ZNF248: variants seen among roughly 807,000 people sequenced by gnomAD.
ZNF248 encodes KRAB protein domain.
ZNF248 carries 20 observed loss-of-function variants against 44.3 expected under a neutral mutation model. That is an observed-to-expected ratio of 0.45 (90% CI 0.32 to 0.66). The LOEUF (loss-of-function observed/expected upper bound fraction) is 0.66, where lower values mean the gene tolerates loss of function less well. ZNF248 is among the 30% of genes least tolerant of loss of function. The pLI, the probability that ZNF248 is intolerant of heterozygous loss-of-function variation, is 0.04. For missense variants in ZNF248, 654 were observed against 677.0 expected (o/e 0.97, Z 0.38); for synonymous variants, 224 against 229.0 (o/e 0.98, Z 0.20).
chr10:37,815,003 G>A (rs995155284), intron 6 of ZNF248, among the ~76,000 whole-genome samples: 7 of 151,970 alleles, frequency 4.6e-5, no homozygotes, highest in Non-Finnish European at 7.4e-5. Flanking sequence ...CTGGCACTCC[G>A]AACAATGCAT....
At chr10:37,777,530 C>T (rs929327279) in intron 6 of ZNF248, among the ~76,000 whole-genome samples, 7 of 144,950 alleles carry the variant, frequency 4.8e-5, no homozygotes, top group Admixed American at 2.1e-4. Context: ...GCCTGGTCTT[C>T]GACTCTTTTT....
At chr10:37,836,962 T>C (rs1298585800) in intron 5 of ZNF248, among the ~76,000 whole-genome samples, 1 of 151,956 alleles carries the variant, frequency 6.6e-6, no homozygotes, top group African/African-American at 2.4e-5. Context: ...TAACAAAAGG[T>C]GTCTAAGACA....
the ZNF248 span, among the ~76,000 whole-genome samples, chr10:37,765,628 C>T: frequency 8.1e-4 from 123 of 152,264 alleles, no homozygotes; most frequent in Non-Finnish European, 1.1e-3. Context: ...CATTAATAAT[C>T]GATGCACACT....
chr10:37,833,420 G>A (rs1422498344), intron 5 of ZNF248, among the ~76,000 whole-genome samples: 1 of 152,146 alleles, frequency 6.6e-6, no homozygotes, highest in Non-Finnish European at 1.5e-5. Context: ...CAGAGTGGCT[G>A]ATTCAGAAAT....
At chr10:37,842,144 T>C (rs973868085) in intron 3 of ZNF248, among the ~76,000 whole-genome samples, 7 of 152,170 alleles carry the variant, frequency 4.6e-5, no homozygotes, top group Admixed American at 2.0e-4. Context: ...ATGGAAACTC[T>C]TTGTACTACT....
At position 37,819,931 on chromosome 10, in the gene ZNF248, G is replaced by A. The variant is rs148054674; in HGVS notation, c.330+13094C>T. The A allele has an allele frequency of 1.9e-4, 146 of 770,688 alleles. 1 individual carries two copies. In the African/African-American group the frequency reaches 2.0e-3, roughly 10 times the overall value. The allele number at this position is 770,688 out of a possible 1,614,324, so 47.7% of individuals were successfully genotyped here. Reference sequence around the variant, plus strand: ...ACCATCTGCCCATTGTTCAGTAAACGAGGCCCCATGTCGGACAGTAGTAAA... The same window carrying A: ...ACCATCTGCCCATTGTTCAGTAAACAAGGCCCCATGTCGGACAGTAGTAAA... On this transcript the variant is annotated intron_variant, in intron 6 of 6. Transcript: ENST00000615949.
At chr10:37,825,138 C>T (rs1208718), downstream of ZNF248, among the ~76,000 whole-genome samples, 3 of 152,020 alleles carry the variant, frequency 2.0e-5, no homozygotes, top group African/African-American at 7.2e-5. Context: ...CATTGTTCCT[C>T]TAAAAAGGTA....
intron 6 of ZNF248, among the ~76,000 whole-genome samples, chr10:37,779,391 T>C (rs1199374010): frequency 1.3e-5 from 2 of 152,242 alleles, no homozygotes; most frequent in East Asian, 3.9e-4. Flanking sequence ...ATCCAGCATA[T>C]AAACAGAGCC....
intron 6 of ZNF248, chr10:37,818,904 C>A: frequency 9.2e-7 from 1 of 1,084,798 alleles, no homozygotes. Context: ...CAGAAAGACA[C>A]TGATAGAAGA....
rs554898135 is a variant in ZNF248 at position 37,854,749 on chromosome 10, A to G, written c.15+1547T>C. ...AATGTACAAGGTTATTCATTACCAC[A>G]TGGTTTGTCATAGCAAACAGCTGGA... is the stretch of plus-strand genomic sequence containing the variant. On this transcript the variant is annotated intron_variant, in intron 3 of 5. Coordinates refer to ENST00000395867, the MANE Select transcript of ZNF248 (RefSeq NM_021045.3). Among the ~76,000 whole-genome samples, 26 of 152,392 alleles carry G rather than the reference A, an allele frequency of 1.7e-4. No homozygotes were observed. The East Asian group carries it at 5.0e-3, about 29-fold the overall frequency.
At chr10:37,846,887 C>A (rs574884155) in intron 3 of ZNF248, among the ~76,000 whole-genome samples, 1 of 152,088 alleles carries the variant, frequency 6.6e-6, no homozygotes, top group Non-Finnish European at 1.5e-5. Context: ...GAAACATACA[C>A]CTCACAAAGT....
chr10:37,768,233 C>G, the ZNF248 span, among the ~76,000 whole-genome samples: 1 of 152,162 alleles, frequency 6.6e-6, no homozygotes, highest in Non-Finnish European at 1.5e-5. Flanking sequence ...AGAAAGTTAA[C>G]AAGGATACCC....
rs1338116844 is a variant in ZNF248 at position 37,832,389 on chromosome 10, C to A, written c.966G>T (p.Lys322Asn). ...CACTCACTTTATATTCACGGAGAAT[C>A]TTTCTTGTGTAAGCTCCCTGATGGA... is the stretch of plus-strand genomic sequence containing the variant. ...FIIHQGAYTR[K>N]ILREYKVSDK... The change falls in exon 6 of 6, where the codon AAG becomes AAT. Residue 322 changes from lysine (K) to asparagine (N), a missense_variant. By Grantham distance (94) the Lys-to-Asn change is moderately conservative (BLOSUM62 0). Coordinates refer to ENST00000395867, the MANE Select transcript of ZNF248 (RefSeq NM_021045.3). The A allele has an allele frequency of 6.2e-7, 1 of 1,613,902 alleles. No homozygotes were observed. Among genetic ancestry groups the A allele is most frequent in the African/African-American group, 1.3e-5 (1 of 74,906 alleles).
chr10:37,847,225 A>T (rs146463608), intron 3 of ZNF248, among the ~76,000 whole-genome samples: 3,093 of 151,850 alleles, frequency 0.02, 114 homozygotes, highest in East Asian at 0.11. Context: ...TTATTTATTT[A>T]TTTTTTGAGA....
the ZNF248 span, among the ~76,000 whole-genome samples, chr10:37,760,972 A>C: frequency 6.6e-6 from 1 of 152,238 alleles, no homozygotes; most frequent in Non-Finnish European, 1.5e-5. Flanking sequence ...ATGAAACCAC[A>C]AGAACGAGAT....
chr10:37,793,376 C>T (rs907838602), intron 6 of ZNF248, among the ~76,000 whole-genome samples: 4 of 152,084 alleles, frequency 2.6e-5, no homozygotes, highest in Admixed American at 6.5e-5. Context: ...TTCAATAAAG[C>T]AGATGGAAAC....
chr10:37,800,748 C>T (rs1394287073), intron 6 of ZNF248, among the ~76,000 whole-genome samples: 1 of 150,778 alleles, frequency 6.6e-6, no homozygotes, highest in Non-Finnish European at 1.5e-5. Flanking sequence ...AGTGTATAAA[C>T]ATTAAACAAC....
chr10:37,798,803 G>A (rs189334780), intron 6 of ZNF248, among the ~76,000 whole-genome samples: 2 of 152,244 alleles, frequency 1.3e-5, no homozygotes, highest in East Asian at 3.9e-4. Flanking sequence ...GGGGAGGGTG[G>A]TGATGGAACA....
chr10:37,828,602 T>C (rs2054798574), downstream of ZNF248, among the ~76,000 whole-genome samples: 2 of 152,182 alleles, frequency 1.3e-5, no homozygotes, highest in Non-Finnish European at 2.9e-5. Flanking sequence ...AGAGCCAGGA[T>C]TGGGGTAAAT....
Sources: allele counts gnomAD v4.1 joint callset (sites outside exome capture counted in the v4.1 genomes callset), GRCh38; gene constraint gnomAD v4.1.1; transcripts MANE v1.5; gene names NCBI Gene and HGNC (gene_info 2026-07-23, HGNC 2026-07-21).